The following PTPN13 variants were observed in gnomAD, a reference collection of about 807,000 sequenced individuals.
The protein encoded by PTPN13 is tyrosine-protein phosphatase non-receptor type 13.
In PTPN13, 191 loss-of-function variants were observed where a neutral mutation model predicts 284.0. The ratio of observed to expected loss-of-function variants is 0.67; its 90% confidence interval spans 0.60 to 0.76. The LOEUF (loss-of-function observed/expected upper bound fraction) is 0.76. Ranked by LOEUF, PTPN13 falls within the 30% of genes least tolerant of loss-of-function variation. The probability of loss-of-function intolerance (pLI) is 0.00; values close to 1 mark genes in which losing one functional copy is unlikely to be tolerated. For synonymous variants in PTPN13, 986 were observed against 1,022.3 expected (o/e 0.96, Z 0.68); for missense variants, 2,797 against 2,939.9 (o/e 0.95, Z 1.12).
Position 86,693,053 on chromosome 4 carries a change from G to GTCACC in PTPN13, c.547-533_547-532insCACCT, listed in dbSNP as rs1451923552. On this transcript the variant is annotated intron_variant, in intron 5 of 47. Coordinates refer to ENST00000411767, the MANE Select transcript of PTPN13 (RefSeq NM_080683.3). Reference sequence around the variant, plus strand: ...GAGGTCCTCCAACCTGGGTGACAGAGTGAGACTCCGTTATATTTAAAAAAA... The same window carrying GTCACC: ...GAGGTCCTCCAACCTGGGTGACAGAGTCACCTGAGACTCCGTTATATTTAAAAAAA... 2.2e-3 allele frequency among the ~76,000 whole-genome samples: 296 copies of GTCACC among 131,636 alleles called. 2 individuals carry two copies. Among genetic ancestry groups the GTCACC allele is most frequent in the Non-Finnish European group, 3.8e-3 (245 of 64,094 alleles). The allele number at this position is 131,636 out of a possible 152,430, so 86.4% of individuals were successfully genotyped here.
At chr4:86,613,633 C>CAAAAAAAA (rs544971012) in intron 1 of PTPN13, among the ~76,000 whole-genome samples, 22 of 61,530 alleles carry the variant, frequency 3.6e-4, no homozygotes, top group African/African-American at 1.2e-3. Context: ...GACTCCGTCT[C>CAAAAAAAA]AAAAAAAAAA....
chr4:86,758,126 C>T (rs1738204792), intron 20 of PTPN13, 134 bp from the exon 21 acceptor site: 1 of 528,616 alleles, frequency 1.9e-6, no homozygotes, highest in African/African-American at 1.9e-5. Flanking sequence ...TTAACAGTAT[C>T]AGTAAACTTA....
In PTPN13 at chr4:86,685,366, C is replaced by T. The variant is rs567084078; in HGVS notation, c.295-1344C>T. ...GTTCTCGCCTATAATCCCAGCACAC[C>T]GGGAAGCCAAGGCGGGAGGATCTCT... On this transcript the variant is annotated intron_variant, in intron 3 of 47. Transcript: ENST00000411767. Among the ~76,000 whole-genome samples, 3 of 152,118 alleles carry T rather than the reference C, an allele frequency of 2.0e-5. No individual in the cohort carries two copies. In the East Asian group the frequency reaches 5.8e-4, roughly 29 times the overall value.
chr4:86,715,532 C>G (rs1259156311), intron 7 of PTPN13, among the ~76,000 whole-genome samples: 3 of 152,052 alleles, frequency 2.0e-5, no homozygotes, highest in African/African-American at 7.2e-5. Context: ...TCCAGCACTG[C>G]GGTAAGCTAT....
At chr4:86,752,259 A>G (rs1465767229) in intron 19 of PTPN13, among the ~76,000 whole-genome samples, 2 of 152,200 alleles carry the variant, frequency 1.3e-5, no homozygotes, top group African/African-American at 4.8e-5. Context: ...CCCAAAGTTT[A>G]AAAGCTTTTT....
chr4:86,659,310 A>G (rs1156584885), intron 2 of PTPN13, among the ~76,000 whole-genome samples: 2 of 152,166 alleles, frequency 1.3e-5, no homozygotes, highest in Non-Finnish European at 2.9e-5. Flanking sequence ...AGTCATCAAA[A>G]TCTAACACTC....
chr4:86,774,713 A>G (rs1740404630), intron 33 of PTPN13, among the ~76,000 whole-genome samples, 182 bp downstream of exon 33: 1 of 149,794 alleles, frequency 6.7e-6, no homozygotes, highest in Non-Finnish European at 1.5e-5. Context: ...ATATATATAT[A>G]TATATATATT....
In PTPN13 at chr4:86,780,956, C is replaced by T. The variant is rs569056199; in HGVS notation, c.5962+484C>T. On this transcript the variant is annotated intron_variant, in intron 36 of 47. Transcript: ENST00000411767. ...CAGCTCAGTGGTTATGTGGGACAAACGGGAAGGAAGCATTTAGGGGAACAG... is the reference window on the plus strand; with the variant it reads ...CAGCTCAGTGGTTATGTGGGACAAATGGGAAGGAAGCATTTAGGGGAACAG... Among the ~76,000 whole-genome samples the T allele has an allele frequency of 2.2e-3, 334 of 152,178 alleles. 1 individual carries two copies. Among genetic ancestry groups the T allele is most frequent in the African/African-American group, 7.2e-3 (300 of 41,512 alleles).
rs2149091459 is a variant in PTPN13, at chr4:86,722,435, G to A, written c.1608+1G>A. ...AGCCATGACTCAAAGAAAACTGAGG[G>A]TAAGTTGATTCTCAGGTTACTACAC... is the stretch of plus-strand genomic sequence containing the variant. On this transcript the variant is annotated splice_donor_variant, in intron 10 of 47. Transcript: ENST00000411767. LOFTEE classifies it high-confidence loss of function. 6.2e-7 allele frequency: 1 copy of A among 1,607,204 alleles called. No homozygotes were observed. The highest frequency in any genetic ancestry group is 8.5e-7 in the Non-Finnish European group (1 of 1,173,888).
chr4:86,811,330 C>T (rs2287147), intron 47 of PTPN13, among the ~76,000 whole-genome samples: 20,467 of 151,980 alleles, frequency 0.13, 1,763 homozygotes, highest in East Asian at 0.29. Context: ...TTTAAAAATG[C>T]AATATCTGCA....
At chr4:86,735,973 TG>T (rs943364403) in intron 15 of PTPN13, among the ~76,000 whole-genome samples, 24 of 152,314 alleles carry the variant, frequency 1.6e-4, no homozygotes, top group Admixed American at 5.9e-4. Flanking sequence ...AGATATGATT[TG>T]AACCCATGTC....
rs1177525122 is a variant in PTPN13 at position 86,772,760 on chromosome 4, A to T, written c.5169-18A>T. 6.4e-7 allele frequency: 1 copy of T among 1,573,484 alleles called. No homozygotes were observed. The highest frequency in any genetic ancestry group is 8.6e-7 in the Non-Finnish European group (1 of 1,162,236). On this transcript the variant is annotated intron_variant, in intron 31 of 47. Transcript: ENST00000411767. ...TTGAAATGTATTTAAAAATAGTCTT[A>T]CTTCTTTGTCTCTGTAGTAATCCTT...
At position 86,633,071 on chromosome 4, in the gene PTPN13, G is replaced by A. The variant is rs189858828; in HGVS notation, c.-5-2181G>A. ...TCCTCCTACCTTAGCCTCCCAAATT[G>A]CTGGGATTACAGGCTTAAGCCACTA... On this transcript the variant is annotated intron_variant, in intron 1 of 47. Coordinates refer to ENST00000411767, the MANE Select transcript of PTPN13 (RefSeq NM_080683.3). Among the ~76,000 whole-genome samples, 865 of 152,214 alleles carry A rather than the reference G, an allele frequency of 5.7e-3. 7 individuals carry two copies. The highest frequency in any genetic ancestry group is 0.019 in the African/African-American group (769 of 41,554).
At chr4:86,783,708 ATGAG>A in intron 37 of PTPN13, among the ~76,000 whole-genome samples, 1 of 152,116 alleles carries the variant, frequency 6.6e-6, no homozygotes, top group African/African-American at 2.4e-5. Context: ...TCTTAATAGA[ATGAG>A]TGAAACCTTG....
chr4:86,790,824 C>G (rs1742538490), intron 40 of PTPN13, among the ~76,000 whole-genome samples: 1 of 152,158 alleles, frequency 6.6e-6, no homozygotes, highest in Non-Finnish European at 1.5e-5. Flanking sequence ...GATAAAGATT[C>G]AATTGTATAA....
intron 1 of PTPN13, among the ~76,000 whole-genome samples, chr4:86,625,233 C>T (rs1721698624): frequency 6.6e-6 from 1 of 152,086 alleles, no homozygotes; most frequent in Admixed American, 6.6e-5. Flanking sequence ...CATCTCTTGT[C>T]TTCTCTTCCC....
At chr4:86,782,851 C>T (rs1157372284) in intron 37 of PTPN13, among the ~76,000 whole-genome samples, 2 of 152,148 alleles carry the variant, frequency 1.3e-5, no homozygotes, top group African/African-American at 4.8e-5. Context: ...CCATTTCATG[C>T]TCTTTTTAAG....
At chr4:86,669,022 C>G (rs1727417857) in intron 2 of PTPN13, among the ~76,000 whole-genome samples, 1 of 151,594 alleles carries the variant, frequency 6.6e-6, no homozygotes. Context: ...AACTTAGTAA[C>G]TTCCTGACCC....
intron 29 of PTPN13, 30 bp downstream of exon 29, chr4:86,770,013 T>C: frequency 1.2e-6 from 2 of 1,612,496 alleles, no homozygotes; most frequent in Non-Finnish European, 1.7e-6. Flanking sequence ...AGTATAGCAT[T>C]TTTAATGATG....
Sources: allele counts gnomAD v4.1 joint callset (sites outside exome capture counted in the v4.1 genomes callset), GRCh38; gene constraint gnomAD v4.1.1; transcripts MANE v1.5; gene names NCBI Gene and HGNC (gene_info 2026-07-23, HGNC 2026-07-21).